Variants in LMOD1 observed in about 807,000 individuals in gnomAD.
LMOD1 encodes leiomodin 1, also known as leiomodin-1.
LMOD1 carries 8 observed loss-of-function variants against 36.5 expected under a neutral mutation model. That is an observed-to-expected ratio of 0.22 (90% CI 0.13 to 0.40). The LOEUF (loss-of-function observed/expected upper bound fraction) is 0.40. Among genes scored for constraint, LMOD1 ranks in the 10% least tolerant of loss-of-function variants. The pLI, the probability that LMOD1 is intolerant of heterozygous loss-of-function variation, is 1.00. For synonymous variants in LMOD1, 284 were observed against 288.7 expected (o/e 0.98, Z 0.17); for missense variants, 630 against 751.1 (o/e 0.84, Z 1.88).
chr1:201,901,609 T>C lies in LMOD1; in HGVS notation c.262-858A>G, dbSNP rs1416664709. On this transcript the variant is annotated intron_variant, in intron 1 of 2. Coordinates refer to ENST00000367288, the MANE Select transcript of LMOD1 (RefSeq NM_012134.3). The stretch of plus-strand genomic sequence containing the variant: ...ACATATATATATGTATATATATATA[T>C]ACACATATATATGTGTGTGTGTATA... Among the ~76,000 whole-genome samples the C allele has an allele frequency of 3.3e-4, 13 of 39,184 alleles. 1 individual carries two copies. Among genetic ancestry groups the C allele is most frequent in the South Asian group, 2.0e-3 (2 of 1,018 alleles). 25.7% of individuals were successfully genotyped at this position (39,184 alleles called of 152,430 possible).
At chr1:201,909,421 T>A (rs552710157) in intron 1 of LMOD1, among the ~76,000 whole-genome samples, 18 of 152,322 alleles carry the variant, frequency 1.2e-4, no homozygotes, top group African/African-American at 4.1e-4. Context: ...TTCTTTTTCT[T>A]TTTTTGGGAG....
intron 1 of LMOD1, among the ~76,000 whole-genome samples, chr1:201,930,666 G>C (rs759737671): frequency 1.3e-5 from 2 of 152,176 alleles, no homozygotes; most frequent in Non-Finnish European, 2.9e-5. Flanking sequence ...ATCTAGGCCA[G>C]AGATAGAAAG....
intron 1 of LMOD1, among the ~76,000 whole-genome samples, chr1:201,913,297 G>A (rs1681544405): frequency 6.6e-6 from 1 of 152,102 alleles, no homozygotes; most frequent in Non-Finnish European, 1.5e-5. Flanking sequence ...CTTTTCCTTG[G>A]ATCACCACTC....
chr1:201,904,934 CTT>C (rs1202247765), intron 1 of LMOD1, among the ~76,000 whole-genome samples: 2 of 152,206 alleles, frequency 1.3e-5, no homozygotes, highest in Non-Finnish European at 1.5e-5. Context: ...GCTAGGAAAA[CTT>C]CTTCTTGCTT....
intron 1 of LMOD1, among the ~76,000 whole-genome samples, chr1:201,936,348 C>A (rs184686383): frequency 3.1e-3 from 471 of 152,208 alleles, no homozygotes; most frequent in Admixed American, 4.8e-3. Flanking sequence ...TAGATCACAT[C>A]TCTCCCCTAC....
chr1:201,929,052 A>G (rs543033422), intron 1 of LMOD1, among the ~76,000 whole-genome samples: 1 of 151,608 alleles, frequency 6.6e-6, no homozygotes, highest in East Asian at 2.0e-4. Context: ...TTTAGGGTCT[A>G]TCTGTGGCCC....
chr1:201,936,184 T>C (rs1682015761), intron 1 of LMOD1, among the ~76,000 whole-genome samples: 1 of 151,136 alleles, frequency 6.6e-6, no homozygotes, highest in Admixed American at 6.6e-5. Flanking sequence ...TTTCCCCCAG[T>C]GCATCAGCCA....
intron 1 of LMOD1, among the ~76,000 whole-genome samples, chr1:201,924,618 G>GAAGA (rs1252896402): frequency 1.4e-5 from 2 of 145,222 alleles, no homozygotes; most frequent in African/African-American, 2.6e-5. Context: ...GGAAAAGAAA[G>GAAGA]AAGAAAGAAA....
In LMOD1 at chr1:201,899,705, C is replaced by T. The variant is rs778006187; in HGVS notation, c.1308G>A (p.Glu436=). The T allele has an allele frequency of 4.0e-5, 65 of 1,613,954 alleles. 2 individuals carry two copies. In the South Asian group the frequency reaches 4.6e-4, roughly 11 times the overall value. Residue 436 remains glutamate (E), a synonymous_variant, in exon 2 of 3, where the codon GAG becomes GAA. Transcript: ENST00000367288. This position sits in a 1 kb window ranked among gnomAD's most constrained non-coding sequence, Gnocchi z 6.3. Reference sequence around the variant, plus strand: ...TATTCTCCTTCAGCAGCTTGGCGATCTCCATCTCCGTCTTGCCTCCACAGA... The same window carrying T: ...TATTCTCCTTCAGCAGCTTGGCGATTTCCATCTCCGTCTTGCCTCCACAGA... ...RHICGGKTEM[E]IAKLLKENTT... is the part of the protein sequence containing the mutation.
chr1:201,896,748 C>A lies in LMOD1; in HGVS notation c.*1624G>T. 1 of 455,348 alleles carries A rather than the reference C, an allele frequency of 2.2e-6. No individual in the cohort carries two copies. The highest frequency in any genetic ancestry group is 4.4e-6 in the Non-Finnish European group (1 of 226,616). 28.2% of individuals were successfully genotyped at this position (455,348 alleles called of 1,614,324 possible). A position where few individuals can be genotyped will look rare whatever the true frequency, so the allele number is the denominator to read the frequency against. ...TCCTCTCCTCTGGGCCCAGTGATTGCTTAGGTGACTGGGGTGACAGGCAAG... is the reference window on the plus strand; with the variant it reads ...TCCTCTCCTCTGGGCCCAGTGATTGATTAGGTGACTGGGGTGACAGGCAAG... On this transcript the variant is annotated 3_prime_UTR_variant, in exon 3 of 3. Transcript: ENST00000367288.
intron 1 of LMOD1, among the ~76,000 whole-genome samples, chr1:201,934,552 T>A (rs533339703): frequency 6.6e-6 from 1 of 152,294 alleles, no homozygotes; most frequent in African/African-American, 2.4e-5. Context: ...TTCAAAAATA[T>A]CCTCCCTGAT....
intron 1 of LMOD1, among the ~76,000 whole-genome samples, chr1:201,909,994 C>A (rs962008096): frequency 6.6e-6 from 1 of 152,218 alleles, no homozygotes; most frequent in Admixed American, 6.5e-5. Flanking sequence ...CCCCAGCCAC[C>A]CAACACTGAA....
rs1328837005 is a variant in LMOD1, at chr1:201,897,657, T to A, written c.*715A>T. 1 of 152,682 alleles carries A rather than the reference T, an allele frequency of 6.5e-6. No homozygotes were observed. The highest frequency in any genetic ancestry group is 6.5e-5 in the Admixed American group (1 of 15,288). 9.5% of individuals were successfully genotyped at this position (152,682 alleles called of 1,614,324 possible). On this transcript the variant is annotated 3_prime_UTR_variant, in exon 3 of 3. Transcript: ENST00000367288. ...CCATTCACAGCTAAAGGTTTGTATA[T>A]ATTATCAAAATCTTATGGAAAAACA...
intron 1 of LMOD1, among the ~76,000 whole-genome samples, chr1:201,903,209 C>G (rs927891981): frequency 6.6e-6 from 1 of 152,230 alleles, no homozygotes; most frequent in Non-Finnish European, 1.5e-5. Context: ...CAAACACATG[C>G]CATTGGGGAC....
chr1:201,927,353 G>T (rs183468188), intron 1 of LMOD1, among the ~76,000 whole-genome samples: 1 of 152,288 alleles, frequency 6.6e-6, no homozygotes, highest in Non-Finnish European at 1.5e-5. Flanking sequence ...GGATCACGAG[G>T]TCAGGAGATT....
chr1:201,941,402 G>A (rs1309092167), intron 1 of LMOD1, among the ~76,000 whole-genome samples: 1 of 152,152 alleles, frequency 6.6e-6, no homozygotes, highest in Non-Finnish European at 1.5e-5. Flanking sequence ...CAAATTTCAG[G>A]GCGAGATTTT....
intron 1 of LMOD1, among the ~76,000 whole-genome samples, chr1:201,944,737 G>A (rs940863275): frequency 9.2e-5 from 14 of 151,776 alleles, no homozygotes; most frequent in African/African-American, 1.2e-4. Flanking sequence ...TGGGGCGGGG[G>A]GGGGCGGTAG....
In LMOD1 at chr1:201,898,271, C is replaced by T. The variant is rs1426474840; in HGVS notation, c.*101G>A. 8.2e-7 allele frequency: 1 copy of T among 1,212,244 alleles called. No homozygotes were observed. The highest frequency in any genetic ancestry group is 2.5e-5 in the East Asian group (1 of 40,188). The allele number at this position is 1,212,244 out of a possible 1,614,324, so 75.1% of individuals were successfully genotyped here. A position where few individuals can be genotyped will look rare whatever the true frequency, so the allele number is the denominator to read the frequency against. The stretch of plus-strand genomic sequence containing the variant: ...TCCCATGGCAGAATAGGGACATCCA[C>T]AGCAGGTCAGCCAGGGATGGGGTGG... On this transcript the variant is annotated 3_prime_UTR_variant, in exon 3 of 3. Coordinates refer to ENST00000367288, the MANE Select transcript of LMOD1 (RefSeq NM_012134.3).
chr1:201,934,596 C>T (rs1681983199), intron 1 of LMOD1, among the ~76,000 whole-genome samples: 1 of 152,198 alleles, frequency 6.6e-6, no homozygotes, highest in Non-Finnish European at 1.5e-5. Context: ...CCCTACTATT[C>T]TGCTTCCCAT....
Sources: gnomAD v4.1 joint callset for allele counts (sites outside exome capture counted in the v4.1 genomes callset) on GRCh38, gnomAD v4.1.1 for gene constraint, Gnocchi (gnomAD v3.1) non-coding constraint, MANE v1.5 for transcripts, NCBI Gene and HGNC (gene_info 2026-07-23, HGNC 2026-07-21) for gene names.